KDM2B: variants seen among roughly 807,000 people sequenced by gnomAD.
The protein encoded by KDM2B is lysine-specific demethylase 2B.
In KDM2B, 26 loss-of-function variants were observed where a neutral mutation model predicts 150.0. That is an observed-to-expected ratio of 0.17 (90% CI 0.13 to 0.24). The LOEUF (loss-of-function observed/expected upper bound fraction) is 0.24, where lower values mean the gene tolerates loss of function less well. Among genes scored for constraint, KDM2B ranks in the 10% least tolerant of loss-of-function variants. The pLI is 1.00. For synonymous variants in KDM2B, 734 were observed against 729.5 expected (o/e 1.01, Z -0.10); for missense variants, 1,265 against 1,816.9 (o/e 0.70, Z 5.52).
intron 12 of KDM2B, among the ~76,000 whole-genome samples, chr12:121,484,564 T>C (rs1442741785): frequency 6.6e-6 from 1 of 152,078 alleles, no homozygotes; most frequent in Non-Finnish European, 1.5e-5. Context: ...ACGCCTGTAG[T>C]CCTAGCACTT....
At chr12:121,488,673 G>A (rs2140229642) in intron 12 of KDM2B, among the ~76,000 whole-genome samples, 1 of 152,330 alleles carries the variant, frequency 6.6e-6, no homozygotes, top group South Asian at 2.1e-4. Flanking sequence ...CCAGGCTGGA[G>A]TGCAGTGGCA....
chr12:121,576,517 A>G (rs1370076411), intron 2 of KDM2B, among the ~76,000 whole-genome samples: 1 of 152,160 alleles, frequency 6.6e-6, no homozygotes, highest in Non-Finnish European at 1.5e-5. Flanking sequence ...GATAACCGGG[A>G]GGGAGGCTCC....
At chr12:121,424,939 G>GT (rs2137243563), downstream of KDM2B, among the ~76,000 whole-genome samples, 1 of 152,232 alleles carries the variant, frequency 6.6e-6, no homozygotes, top group South Asian at 2.1e-4. Flanking sequence ...AAACCTCATG[G>GT]TTAAAAAGTG....
chr12:121,502,550 G>A (rs1297011283), intron 11 of KDM2B, among the ~76,000 whole-genome samples: 1 of 151,946 alleles, frequency 6.6e-6, no homozygotes, highest in African/African-American at 2.4e-5. Context: ...GAACCGAGGA[G>A]GCGGAGGTTG....
At chr12:121,570,607 T>C (rs1457720435) in intron 4 of KDM2B, among the ~76,000 whole-genome samples, 1 of 152,150 alleles carries the variant, frequency 6.6e-6, no homozygotes, top group Non-Finnish European at 1.5e-5. Context: ...TCTATAAAAC[T>C]TCAATCAAAT....
intron 12 of KDM2B, among the ~76,000 whole-genome samples, chr12:121,459,072 G>C (rs562364126): frequency 1.5e-5 from 2 of 136,036 alleles, no homozygotes; most frequent in South Asian, 4.7e-4. Flanking sequence ...GCAACAGAGC[G>C]AGACTCTGCC....
intron 22 of KDM2B, among the ~76,000 whole-genome samples, chr12:121,439,222 C>T (rs1229761119): frequency 6.6e-6 from 1 of 152,162 alleles, no homozygotes; most frequent in African/African-American, 2.4e-5. Context: ...CCGGCCCCCA[C>T]TGTCTCAACA....
At position 121,452,283 on chromosome 12, in the gene KDM2B, AT is replaced by A. The variant is rs141850946; in HGVS notation, c.1959+836del. 4.0e-4 allele frequency among the ~76,000 whole-genome samples: 61 copies of A among 152,208 alleles called. No homozygotes were observed. The highest frequency in any genetic ancestry group is 1.4e-3 in the African/African-American group (58 of 41,514). Reference sequence around the variant, plus strand: ...CTGCATACTTAAAAATGATTAATGTATTTTTTTTACCACAATTTCAAAAAAC... The same window carrying A: ...CTGCATACTTAAAAATGATTAATGTATTTTTTTACCACAATTTCAAAAAAC... On this transcript the variant is annotated intron_variant, in intron 13 of 22. Transcript: ENST00000377071. The surrounding 1 kb of genome is among the most constrained non-coding windows in gnomAD (Gnocchi z 4.4).
rs1473608811 is a variant in KDM2B, at chr12:121,440,075, C to A, written c.3611G>T (p.Gly1204Val). Residue 1204 changes from glycine (G) to valine (V), a missense_variant and splice_region_variant, in exon 22 of 23, where the codon GGT (glycine) becomes GTT (valine). Gly to Val is a moderately radical substitution (Grantham distance 109). This residue lies in a region of KDM2B where 251 missense variants were observed against 397.8 expected (regional missense o/e 0.63). Coordinates refer to ENST00000377071, the MANE Select transcript of KDM2B (RefSeq NM_032590.5). ...LLSPPTDNRPGQMDNRSKLRN... is the reference protein window; with the variant it reads ...LLSPPTDNRPVQMDNRSKLRN... ...GAGCTTGCTCCGATTGTCCATCTGACCTGGTGGGGCAGGAAGGAGGGGGCA... is the reference window on the plus strand; with the variant it reads ...GAGCTTGCTCCGATTGTCCATCTGAACTGGTGGGGCAGGAAGGAGGGGGCA... 1 of 1,596,584 alleles carries A rather than the reference C, an allele frequency of 6.3e-7. No individual in the cohort carries two copies. Among genetic ancestry groups the A allele is most frequent in the Non-Finnish European group, 8.5e-7 (1 of 1,172,272 alleles).
At chr12:121,523,294 A>G (rs1886851009) in intron 8 of KDM2B, among the ~76,000 whole-genome samples, 1 of 152,236 alleles carries the variant, frequency 6.6e-6, no homozygotes, top group Admixed American at 6.5e-5. Flanking sequence ...AAACGCAGAG[A>G]GAAATAAGGA....
In KDM2B at chr12:121,533,045, AG is replaced by A; in HGVS notation, c.778-87del. The A allele has an allele frequency of 7.3e-7, 1 of 1,375,142 alleles. No homozygotes were observed. Among genetic ancestry groups the A allele is most frequent in the Non-Finnish European group, 1.0e-6 (1 of 985,372 alleles). The allele number at this position is 1,375,142 out of a possible 1,614,324, so 85.2% of individuals were successfully genotyped here. A position where few individuals can be genotyped will look rare whatever the true frequency, so the allele number is the denominator to read the frequency against. On this transcript the variant is annotated intron_variant, in intron 7 of 22. Coordinates refer to ENST00000377071, the MANE Select transcript of KDM2B (RefSeq NM_032590.5). The surrounding 1 kb of genome is among the most constrained non-coding windows in gnomAD (Gnocchi z 4.1). ...GGCCCCACCTGCCTGGCGGAAGGGG[AG>A]GGGGCGAGACAAGCTGTGTGTGGGG...
chr12:121,558,882 C>G (rs1189460760), intron 4 of KDM2B, among the ~76,000 whole-genome samples: 2 of 152,184 alleles, frequency 1.3e-5, no homozygotes, highest in African/African-American at 4.8e-5. Context: ...TGAACCATGG[C>G]ACCCAGCCTC....
chr12:121,532,720 G>T, intron 8 of KDM2B, 86 bp downstream of exon 8: 1 of 1,430,862 alleles, frequency 7.0e-7, no homozygotes, highest in Non-Finnish European at 9.6e-7. Flanking sequence ...AACCCACCAG[G>T]CCCAGAGCAA....
chr12:121,501,775 C>T (rs373471088), intron 11 of KDM2B, among the ~76,000 whole-genome samples: 3 of 152,244 alleles, frequency 2.0e-5, no homozygotes, highest in South Asian at 4.1e-4. Context: ...CACGCACCAC[C>T]ATGCCCTGCT....
intron 11 of KDM2B, among the ~76,000 whole-genome samples, chr12:121,499,618 C>G (rs372839812): frequency 6.6e-6 from 1 of 152,012 alleles, no homozygotes; most frequent in Non-Finnish European, 1.5e-5. Context: ...CACAACTACA[C>G]TCCAACCTGG....
chr12:121,490,153 G>A (rs1883202186), intron 12 of KDM2B, among the ~76,000 whole-genome samples: 1 of 152,198 alleles, frequency 6.6e-6, no homozygotes, highest in African/African-American at 2.4e-5. Context: ...ACCAACTTCG[G>A]AGGAAAGGGG....
rs1555308985 is a variant in KDM2B, at chr12:121,537,714, G to A, written c.684-3124C>T. Reference sequence around the variant, plus strand: ...AGGCGTCCCCGTGGGGAAAGGGCCGGGAGGGGCGCCGGAACGCTGACACCC... The same window carrying A: ...AGGCGTCCCCGTGGGGAAAGGGCCGAGAGGGGCGCCGGAACGCTGACACCC... On this transcript the variant is annotated intron_variant, in intron 6 of 22. Coordinates refer to ENST00000377071, the MANE Select transcript of KDM2B (RefSeq NM_032590.5). This position sits in a 1 kb window ranked among gnomAD's most constrained non-coding sequence, Gnocchi z 8.7. The A allele has an allele frequency of 1.3e-5, 2 of 152,120 alleles. No homozygotes were observed. The highest frequency in any genetic ancestry group is 4.8e-5 in the African/African-American group (2 of 41,430). 9.4% of individuals were successfully genotyped at this position (152,120 alleles called of 1,614,324 possible).
chr12:121,574,419 C>T (rs1891346834), intron 4 of KDM2B, 128 bp downstream of exon 4: 1 of 814,680 alleles, frequency 1.2e-6, no homozygotes, highest in Non-Finnish European at 2.0e-6. Flanking sequence ...CTCACACCTG[C>T]TCCTGCCTTC....
At chr12:121,420,581 C>T in the KDM2B span, 1 of 1,613,946 alleles carries the variant, frequency 6.2e-7, no homozygotes, top group South Asian at 1.1e-5. Context: ...TTTCAGAACC[C>T]CGGGCTCTCC....
Sources: allele counts gnomAD v4.1 joint callset (sites outside exome capture counted in the v4.1 genomes callset), GRCh38; gene constraint gnomAD v4.1.1; regional missense constraint gnomAD v4.1.1; non-coding constraint Gnocchi (gnomAD v3.1); transcripts MANE v1.5; gene names NCBI Gene and HGNC (gene_info 2026-07-23, HGNC 2026-07-21).